Variants in KDM4C observed in about 807,000 individuals in gnomAD.
KDM4C encodes the protein lysine demethylase 4C, also known as lysine-specific demethylase 4C.
In KDM4C, 81 loss-of-function variants were observed where a neutral mutation model predicts 129.3. The ratio of observed to expected loss-of-function variants is 0.63; its 90% confidence interval spans 0.52 to 0.75. The LOEUF is 0.75. KDM4C is among the 30% of genes least tolerant of loss of function. The pLI, the probability that KDM4C is intolerant of heterozygous loss-of-function variation, is 0.00. For synonymous variants in KDM4C, 573 were observed against 456.1 expected (o/e 1.26, Z -3.26); for missense variants, 1,457 against 1,304.0 (o/e 1.12, Z -1.81).
At chr9:6,852,810 C>T (rs962628115) in intron 5 of KDM4C, among the ~76,000 whole-genome samples, 8 of 152,162 alleles carry the variant, frequency 5.3e-5, no homozygotes, top group South Asian at 2.1e-4. Flanking sequence ...TCCTTACTTA[C>T]GGGCCCATGC....
intron 19 of KDM4C, among the ~76,000 whole-genome samples, chr9:7,128,907 G>T (rs1190103638): frequency 6.6e-6 from 1 of 152,152 alleles, no homozygotes; most frequent in Non-Finnish European, 1.5e-5. Context: ...CCAGGGTAAT[G>T]ACTGACTTTG....
At chr9:6,836,857 TTTTC>T (rs1352090514) in intron 4 of KDM4C, among the ~76,000 whole-genome samples, 8 of 152,118 alleles carry the variant, frequency 5.3e-5, no homozygotes, top group Non-Finnish European at 7.3e-5. Flanking sequence ...CCAGTGAACA[TTTTC>T]TTTCTTTTTT....
At chr9:7,006,801 G>A (rs937066798) in intron 12 of KDM4C, among the ~76,000 whole-genome samples, 7 of 152,074 alleles carry the variant, frequency 4.6e-5, no homozygotes, top group African/African-American at 1.7e-4. Context: ...CAGAGTAAGA[G>A]GTGATGATTG....
At chr9:7,126,470 C>G (rs1202262710) in intron 18 of KDM4C, among the ~76,000 whole-genome samples, 1 of 151,938 alleles carries the variant, frequency 6.6e-6, no homozygotes, top group African/African-American at 2.4e-5. Context: ...ATTGTAGAAG[C>G]CAAGGTTTTC....
chr9:7,100,051 A>G (rs1386063895), intron 17 of KDM4C, among the ~76,000 whole-genome samples: 3 of 152,102 alleles, frequency 2.0e-5, no homozygotes, highest in African/African-American at 7.2e-5. Context: ...CTGCCCTGGC[A>G]TATTATTTAC....
chr9:6,762,985 A>G (rs1819864067), intron 1 of KDM4C, among the ~76,000 whole-genome samples: 1 of 150,182 alleles, frequency 6.7e-6, no homozygotes, highest in Non-Finnish European at 1.5e-5. Flanking sequence ...TTACTCCCCG[A>G]CCCTCTAAAG....
intron 4 of KDM4C, among the ~76,000 whole-genome samples, chr9:6,846,392 C>G (rs926418536): frequency 5.3e-5 from 8 of 152,186 alleles, no homozygotes; most frequent in African/African-American, 1.9e-4. Context: ...TTGTATAACA[C>G]TTCACTTTAA....
intron 8 of KDM4C, among the ~76,000 whole-genome samples, chr9:6,930,823 A>G (rs1053297113): frequency 1.5e-4 from 23 of 151,826 alleles, no homozygotes; most frequent in Admixed American, 3.9e-4. Context: ...TAAAAGAGTA[A>G]CACCCCCTAA....
At chr9:6,834,783 T>C in intron 4 of KDM4C, 8 of 1,299,420 alleles carry the variant, frequency 6.2e-6, no homozygotes, top group East Asian at 4.6e-5. Flanking sequence ...GAGGCCCCCC[T>C]GAACCCCAAG....
At chr9:7,160,089 A>G (rs768325585) in intron 19 of KDM4C, among the ~76,000 whole-genome samples, 31 of 152,010 alleles carry the variant, frequency 2.0e-4, no homozygotes, top group Non-Finnish European at 1.2e-4. Flanking sequence ...TTGATCTTCA[A>G]TCACTGATAC....
chr9:7,128,770 CTGTG>C (rs111822868), intron 19 of KDM4C, among the ~76,000 whole-genome samples: 3,441 of 151,580 alleles, frequency 0.023, 106 homozygotes, highest in African/African-American at 0.078. Flanking sequence ...GACTAGAACT[CTGTG>C]TGTGTGTGTG....
intron 14 of KDM4C, among the ~76,000 whole-genome samples, chr9:7,015,406 C>T (rs1170945324): frequency 6.6e-6 from 1 of 152,112 alleles, no homozygotes; most frequent in Non-Finnish European, 1.5e-5. Context: ...ATTGAAAATA[C>T]TCCTTCATTG....
chr9:6,776,478 G>A (rs115497738), intron 1 of KDM4C, among the ~76,000 whole-genome samples: 2 of 152,014 alleles, frequency 1.3e-5, no homozygotes, highest in East Asian at 3.9e-4. Flanking sequence ...TGGCCAGGAT[G>A]GTCTTGATCT....
At chr9:7,045,267 A>G (rs1045410994) in intron 15 of KDM4C, among the ~76,000 whole-genome samples, 2 of 151,930 alleles carry the variant, frequency 1.3e-5, no homozygotes, top group Non-Finnish European at 2.9e-5. Context: ...TCTCACTGCT[A>G]CTTTCATTAA....
At chr9:6,836,358 CA>C (rs1835873614) in intron 4 of KDM4C, among the ~76,000 whole-genome samples, 1 of 152,094 alleles carries the variant, frequency 6.6e-6, no homozygotes, top group African/African-American at 2.4e-5. Context: ...GGGGACAGAG[CA>C]AGACTCTGTC....
intron 4 of KDM4C, among the ~76,000 whole-genome samples, chr9:6,845,313 C>T (rs1408811070): frequency 1.3e-5 from 2 of 152,144 alleles, no homozygotes; most frequent in Non-Finnish European, 2.9e-5. Context: ...CTTCTGGGCT[C>T]AATTGATCCT....
At chr9:7,091,732 T>G (rs1425570290) in intron 17 of KDM4C, among the ~76,000 whole-genome samples, 1 of 152,190 alleles carries the variant, frequency 6.6e-6, no homozygotes, top group African/African-American at 2.4e-5. Context: ...GCCATCACAC[T>G]TGCCATGAAA....
At chr9:6,732,387 AAAAAAAAAAAAAAAGAAT>A (rs1299474437) in intron 1 of KDM4C, among the ~76,000 whole-genome samples, 14 of 143,810 alleles carry the variant, frequency 9.7e-5, no homozygotes, top group African/African-American at 3.2e-4. Flanking sequence ...AAAAAAAAAA[AAAAAAAAAAAAAAAGAAT>A]GAGGCCGGAA....
At chr9:6,854,658 G>A (rs1252919041) in intron 5 of KDM4C, among the ~76,000 whole-genome samples, 1 of 152,076 alleles carries the variant, frequency 6.6e-6, no homozygotes, top group South Asian at 2.1e-4. Flanking sequence ...TTTTCCTGAA[G>A]GTTTTTAGAA....
Sources: gnomAD v4.1 joint callset for allele counts (sites outside exome capture counted in the v4.1 genomes callset) on GRCh38, gnomAD v4.1.1 for gene constraint, MANE v1.5 for transcripts, NCBI Gene and HGNC (gene_info 2026-07-23, HGNC 2026-07-21) for gene names.